The following CDK19 variants were observed in gnomAD, a reference collection of about 807,000 sequenced individuals.
The protein encoded by CDK19 is cyclin dependent kinase 19, also known as cyclin-dependent kinase 19.
A neutral mutation model predicts 68.3 loss-of-function variants in CDK19; 20 were observed. That is an observed-to-expected ratio of 0.29 (90% confidence interval 0.21 to 0.43). CDK19 has a LOEUF of 0.43. Among genes scored for constraint, CDK19 ranks in the 20% least tolerant of loss-of-function variants. The pLI is 1.00. For synonymous variants in CDK19, 221 were observed against 222.8 expected (o/e 0.99, Z 0.07); for missense variants, 339 against 623.5 (o/e 0.54, Z 4.86).
At chr6:110,734,876 G>C (rs2114819857) in intron 2 of CDK19, among the ~76,000 whole-genome samples, 1 of 152,192 alleles carries the variant, frequency 6.6e-6, no homozygotes, top group South Asian at 2.1e-4. Flanking sequence ...GATTATAATA[G>C]ATACTCAAAT....
chr6:110,712,696 C>T (rs200633833), intron 2 of CDK19, among the ~76,000 whole-genome samples: 1 of 152,044 alleles, frequency 6.6e-6, no homozygotes, highest in Non-Finnish European at 1.5e-5. Context: ...AGGAGTGTGG[C>T]GAAGCAGGAT....
At chr6:110,693,576 T>G (rs1270977883) in intron 2 of CDK19, among the ~76,000 whole-genome samples, 1 of 152,194 alleles carries the variant, frequency 6.6e-6, no homozygotes, top group Non-Finnish European at 1.5e-5. Flanking sequence ...ACAACAGGAA[T>G]GAGGTTGGCC....
At chr6:110,789,453 A>G (rs2115063053) in intron 1 of CDK19, among the ~76,000 whole-genome samples, 1 of 152,056 alleles carries the variant, frequency 6.6e-6, no homozygotes, top group South Asian at 2.1e-4. Flanking sequence ...TAATTTTTGT[A>G]TTTTTAGTAG....
At chr6:110,717,244 T>C (rs1353601858) in intron 2 of CDK19, among the ~76,000 whole-genome samples, 1 of 152,176 alleles carries the variant, frequency 6.6e-6, no homozygotes, top group Non-Finnish European at 1.5e-5. Flanking sequence ...TATAGATACA[T>C]ATGTATATAT....
chr6:110,734,104 G>A (rs139176174), intron 2 of CDK19, among the ~76,000 whole-genome samples: 82 of 152,166 alleles, frequency 5.4e-4, no homozygotes, highest in African/African-American at 1.9e-3. Flanking sequence ...CCACCTCCCA[G>A]GTTCAAGCAA....
chr6:110,626,715 C>A, intron 8 of CDK19, 61 bp downstream of exon 8: 1 of 984,904 alleles, frequency 1.0e-6, no homozygotes, highest in Non-Finnish European at 1.5e-6. Flanking sequence ...TATAAATTAC[C>A]CAGTCTAAGG....
At chr6:110,737,145 C>T (rs1282856157) in intron 2 of CDK19, among the ~76,000 whole-genome samples, 2 of 152,182 alleles carry the variant, frequency 1.3e-5, no homozygotes, top group East Asian at 1.9e-4. Flanking sequence ...AGTCTATTCC[C>T]TTAGGGTGGC....
intron 4 of CDK19, among the ~76,000 whole-genome samples, chr6:110,656,603 A>T (rs898204920): frequency 3.9e-5 from 6 of 152,260 alleles, no homozygotes; most frequent in Admixed American, 3.9e-4. Context: ...AACTGGTTTA[A>T]CAGTATCTGT....
chr6:110,644,884 G>T (rs1780450104), intron 4 of CDK19, among the ~76,000 whole-genome samples: 2 of 152,104 alleles, frequency 1.3e-5, no homozygotes, highest in Non-Finnish European at 2.9e-5. Flanking sequence ...CAAATTAGGG[G>T]TAGAGATGAT....
intron 4 of CDK19, among the ~76,000 whole-genome samples, chr6:110,654,057 C>T (rs1781147627): frequency 6.6e-6 from 1 of 152,166 alleles, no homozygotes; most frequent in Non-Finnish European, 1.5e-5. Flanking sequence ...CAGAGACAAT[C>T]AGAATATCAA....
At position 110,628,309 on chromosome 6, in the gene CDK19, G is replaced by A. The variant is rs189681368; in HGVS notation, c.647-1164C>T. Among the ~76,000 whole-genome samples the A allele has an allele frequency of 1.4e-4, 22 of 152,294 alleles. 1 individual carries two copies. In the East Asian group the frequency reaches 3.7e-3, roughly 25 times the overall value. On this transcript the variant is annotated intron_variant, in intron 6 of 12. Transcript: ENST00000368911. ...CACATTCTGCAATAAGCTAAACAAG[G>A]AAAAAGGTTAATTACACTATTCCTT...
At chr6:110,623,054 T>C in intron 9 of CDK19, 142 bp from the exon 10 acceptor site, 2 of 676,534 alleles carry the variant, frequency 3.0e-6, no homozygotes, top group Admixed American at 4.8e-5. Flanking sequence ...CTACATACTT[T>C]TATGTGAAAT....
At position 110,620,963 on chromosome 6, in the gene CDK19, T is replaced by C. The variant is rs989813778; in HGVS notation, c.1377+141A>G. Reference sequence around the variant, plus strand: ...ACAATTACATGAAATATGATGAAAATCTTCCTCTTCATAGAATGCCCTAGA... The same window carrying C: ...ACAATTACATGAAATATGATGAAAACCTTCCTCTTCATAGAATGCCCTAGA... On this transcript the variant is annotated intron_variant, in intron 12 of 12. Transcript: ENST00000368911. 4.1e-6 allele frequency: 3 copies of C among 730,546 alleles called. No homozygotes were observed. The East Asian group carries it at 8.1e-5, about 20-fold the overall frequency. The allele number at this position is 730,546 out of a possible 1,614,324, so 45.3% of individuals were successfully genotyped here. A position where few individuals can be genotyped will look rare whatever the true frequency, so the allele number is the denominator to read the frequency against.
chr6:110,615,876 C>T (rs886205086), intron 12 of CDK19, among the ~76,000 whole-genome samples: 8 of 152,146 alleles, frequency 5.3e-5, no homozygotes, highest in African/African-American at 1.9e-4. Flanking sequence ...TTTCAGAAGG[C>T]TTTTCAGACT....
intron 12 of CDK19, among the ~76,000 whole-genome samples, chr6:110,619,595 C>T (rs998618932): frequency 3.3e-5 from 5 of 151,630 alleles, no homozygotes; most frequent in African/African-American, 1.2e-4. Flanking sequence ...AAGAATCTTG[C>T]TAAGTTGGCT....
intron 1 of CDK19, among the ~76,000 whole-genome samples, chr6:110,748,716 G>A (rs779857780): frequency 3.3e-5 from 5 of 152,128 alleles, no homozygotes; most frequent in Non-Finnish European, 7.3e-5. Flanking sequence ...TTAACACAAC[G>A]TCTAGAAATA....
intron 1 of CDK19, chr6:110,814,719 C>T (rs1435316602): frequency 1.6e-6 from 1 of 609,640 alleles, no homozygotes; most frequent in Non-Finnish European, 3.1e-6. Flanking sequence ...CCACCGCGGT[C>T]CCAACTCGAG....
rs758731510 is a variant in CDK19, at chr6:110,612,271, AGTT to A, written c.*2261_*2263del. On this transcript the variant is annotated 3_prime_UTR_variant, in exon 13 of 13. Transcript: ENST00000368911. ...TATGTTCTGCCTACAAGGACCACCC[AGTT>A]GTTGTTAAAAGGCTGCTGTGAACAT... is the stretch of plus-strand genomic sequence containing the variant. The A allele has an allele frequency of 1.3e-5, 2 of 152,328 alleles. No homozygotes were observed. Among genetic ancestry groups the A allele is most frequent in the Non-Finnish European group, 2.9e-5 (2 of 68,030 alleles). The allele number at this position is 152,328 out of a possible 1,614,324, so 9.4% of individuals were successfully genotyped here.
At chr6:110,688,827 G>A (rs1772729342) in intron 2 of CDK19, among the ~76,000 whole-genome samples, 1 of 152,228 alleles carries the variant, frequency 6.6e-6, no homozygotes, top group Non-Finnish European at 1.5e-5. Flanking sequence ...AGTGGCTGCA[G>A]GTTGAAAGAA....
Sources: gnomAD v4.1 joint callset for allele counts (sites outside exome capture counted in the v4.1 genomes callset) on GRCh38, gnomAD v4.1.1 for gene constraint, MANE v1.5 for transcripts, NCBI Gene and HGNC (gene_info 2026-07-23, HGNC 2026-07-21) for gene names.